The following HTR2C variants were observed in gnomAD, a reference collection of about 807,000 sequenced individuals.
HTR2C encodes 5-hydroxytryptamine receptor 2C.
A neutral mutation model predicts 21.0 loss-of-function variants in HTR2C; 5 were observed. That is an observed-to-expected ratio of 0.24 (90% CI 0.12 to 0.50). The LOEUF (loss-of-function observed/expected upper bound fraction) is 0.50. Ranked by LOEUF, HTR2C falls within the 20% of genes least tolerant of loss-of-function variation. HTR2C has a pLI of 0.98. For missense variants in HTR2C, 271 were observed against 371.2 expected, an observed-to-expected ratio of 0.73 and a Z score of 2.22; for synonymous variants, 150 against 145.3, an observed-to-expected ratio of 1.03 and a Z score of -0.23.
At chrX:114,641,015 CCTTTCTTTCTTTCTTCCTTT>C (rs1341309909) in intron 2 of HTR2C, among the ~76,000 whole-genome samples, 142 of 50,561 alleles carry the variant, frequency 2.8e-3, no homozygotes, top group African/African-American at 8.2e-3. Flanking sequence ...CTTTCCTTCT[CCTTTCTTTCTTTCTTCCTTT>C]CTTTCTTTCT....
intron 4 of HTR2C, among the ~76,000 whole-genome samples, chrX:114,796,354 T>C (rs189517036): frequency 5.0e-4 from 56 of 111,738 alleles, no homozygotes; most frequent in Non-Finnish European, 1.7e-4. Flanking sequence ...TTGGGTATTT[T>C]ACATGTATAA....
chrX:114,862,828 C>T (rs2071016707), intron 5 of HTR2C, among the ~76,000 whole-genome samples: 1 of 110,743 alleles, frequency 9.0e-6, no homozygotes, highest in Admixed American at 9.7e-5. Flanking sequence ...TATAGTCTCC[C>T]AACTGAACTA....
intron 5 of HTR2C, among the ~76,000 whole-genome samples, chrX:114,876,950 C>A (rs142259004): frequency 1.8e-5 from 2 of 111,218 alleles, no homozygotes; most frequent in African/African-American, 6.5e-5. Context: ...GAGGGTAATG[C>A]TGACTTTGTA....
intron 2 of HTR2C, among the ~76,000 whole-genome samples, chrX:114,665,931 T>C (rs1435746182): frequency 1.8e-5 from 2 of 112,147 alleles, no homozygotes; most frequent in Non-Finnish European, 3.8e-5. Flanking sequence ...GTTGCTGATA[T>C]GTCTTCTTTT....
intron 4 of HTR2C, among the ~76,000 whole-genome samples, chrX:114,791,695 A>G (rs1323989045): frequency 9.0e-5 from 10 of 111,434 alleles, no homozygotes; most frequent in Non-Finnish European, 1.9e-4. Flanking sequence ...TTACAGTGAT[A>G]AACAAAAAGC....
chrX:114,827,782 T>G (rs1399372521), intron 4 of HTR2C, among the ~76,000 whole-genome samples: 2 of 111,613 alleles, frequency 1.8e-5, no homozygotes, highest in African/African-American at 3.2e-5. Flanking sequence ...AATTGATAGC[T>G]CCTTTCTTTC....
intron 2 of HTR2C, among the ~76,000 whole-genome samples, chrX:114,721,892 C>T (rs1556420806): frequency 9.4e-6 from 1 of 106,318 alleles, no homozygotes; most frequent in Non-Finnish European, 1.9e-5. Flanking sequence ...TGTTTTGGTA[C>T]CAGTACCATG....
At chrX:114,828,406 A>G (rs1556459328) in intron 4 of HTR2C, among the ~76,000 whole-genome samples, 1 of 111,098 alleles carries the variant, frequency 9.0e-6, no homozygotes, top group East Asian at 2.8e-4. Flanking sequence ...CTTTGTCTAC[A>G]AATTCCAACA....
At chrX:114,879,173 G>A (rs1228078818) in intron 5 of HTR2C, among the ~76,000 whole-genome samples, 1 of 108,239 alleles carries the variant, frequency 9.2e-6, no homozygotes, top group Non-Finnish European at 1.9e-5. Flanking sequence ...GTTAGTAGGT[G>A]CAAATATACA....
chrX:114,628,884 T>A (rs1556403566), intron 2 of HTR2C, among the ~76,000 whole-genome samples: 1 of 112,140 alleles, frequency 8.9e-6, no homozygotes, highest in East Asian at 2.8e-4. Flanking sequence ...TACTTACATA[T>A]AAAACAATTA....
intron 5 of HTR2C, among the ~76,000 whole-genome samples, chrX:114,886,190 T>C (rs1413011823): frequency 9.0e-6 from 1 of 111,484 alleles, no homozygotes; most frequent in East Asian, 2.8e-4. Flanking sequence ...GGTTGCTCTT[T>C]GCATGATTCA....
At chrX:114,640,088 T>C (rs986991851) in intron 2 of HTR2C, among the ~76,000 whole-genome samples, 1 of 110,967 alleles carries the variant, frequency 9.0e-6, no homozygotes, top group East Asian at 2.8e-4. Flanking sequence ...TTTTCATACA[T>C]TTTTTGTTCG....
chrX:114,723,442 T>C (rs782519795), intron 2 of HTR2C, among the ~76,000 whole-genome samples: 135 of 111,534 alleles, frequency 1.2e-3, no homozygotes, highest in Middle Eastern at 4.6e-3. Flanking sequence ...GTCTATCAAT[T>C]TTGTTGATCC....
intron 5 of HTR2C, among the ~76,000 whole-genome samples, chrX:114,906,113 A>C (rs1556486562): frequency 8.9e-6 from 1 of 112,325 alleles, no homozygotes; most frequent in Non-Finnish European, 1.9e-5. Flanking sequence ...TATTATTACT[A>C]TTACAGGTGG....
At chrX:114,767,260 G>A (rs975174396) in intron 4 of HTR2C, among the ~76,000 whole-genome samples, 3 of 110,573 alleles carry the variant, frequency 2.7e-5, no homozygotes, top group East Asian at 2.8e-4. Flanking sequence ...TTCTGAGTTC[G>A]TACTTAGAGT....
rs144926097 is a variant in HTR2C, at chrX:114,708,126, C to A, written c.-79-18732C>A. Among the ~76,000 whole-genome samples, 52 of 111,329 alleles carry A rather than the reference C, an allele frequency of 4.7e-4. No homozygotes were observed. In the East Asian group the frequency reaches 0.014, roughly 30 times the overall value. ...TATTTTCATTACCAATCATGTCACT[C>A]TGAACATAATCTCAAAATAATCACA... is the stretch of plus-strand genomic sequence containing the variant. On this transcript the variant is annotated intron_variant, in intron 2 of 5. Coordinates refer to ENST00000276198, the MANE Select transcript of HTR2C (RefSeq NM_000868.4).
intron 1 of HTR2C, among the ~76,000 whole-genome samples, chrX:114,591,098 T>A (rs1556391040): frequency 8.9e-6 from 1 of 111,830 alleles, no homozygotes; most frequent in East Asian, 2.8e-4. Context: ...TTTTTTTATC[T>A]TAATTAAACA....
chrX:114,619,970 G>A (rs1364964075), intron 2 of HTR2C, among the ~76,000 whole-genome samples: 2 of 111,764 alleles, frequency 1.8e-5, no homozygotes, highest in Admixed American at 9.6e-5. Context: ...CTGGATAACT[G>A]AATAAACAAA....
chrX:114,820,369 C>T (rs1342152664), intron 4 of HTR2C, among the ~76,000 whole-genome samples: 2 of 109,660 alleles, frequency 1.8e-5, no homozygotes, highest in African/African-American at 6.6e-5. Flanking sequence ...CCCTGAAACA[C>T]ACTGTCCTTT....
Sources: gnomAD v4.1 joint callset for allele counts (sites outside exome capture counted in the v4.1 genomes callset) on GRCh38, gnomAD v4.1.1 for gene constraint, MANE v1.5 for transcripts, NCBI Gene and HGNC (gene_info 2026-07-23, HGNC 2026-07-21) for gene names.